RMND1: variants seen among roughly 807,000 people sequenced by gnomAD.
The protein encoded by RMND1 is required for meiotic nuclear division 1 homolog, also known as required for meiotic nuclear division protein 1 homolog.
A neutral mutation model predicts 54.0 loss-of-function variants in RMND1; 41 were observed. That is an observed-to-expected ratio of 0.76 (90% CI 0.59 to 0.98). The LOEUF (loss-of-function observed/expected upper bound fraction) is 0.98, where lower values mean the gene tolerates loss of function less well. RMND1 is among the 50% of genes least tolerant of loss of function. RMND1 has a pLI of 0.00. For missense variants in RMND1, 457 were observed against 532.0 expected (o/e 0.86, Z 1.39); for synonymous variants, 183 against 181.7 (o/e 1.01, Z -0.06).
chr6:151,438,877 G>A (rs900328297), intron 2 of RMND1, among the ~76,000 whole-genome samples: 1 of 152,082 alleles, frequency 6.6e-6, no homozygotes, highest in African/African-American at 2.4e-5. Flanking sequence ...ACTTTGGGAG[G>A]CTGAGGCGGA....
At position 151,445,619 on chromosome 6, in the gene RMND1, A is replaced by C; in HGVS notation, c.193T>G (p.Ser65Ala). The part of the protein sequence containing the change: ...PDKTASGLNK[S>A]QILEMNQKKS... ...TTTTGGTTCATTTCCAGGATCTGAGACTTATTCAAACCACTAGCTGTTTTA... is the reference window on the plus strand; with the variant it reads ...TTTTGGTTCATTTCCAGGATCTGAGCCTTATTCAAACCACTAGCTGTTTTA... Residue 65 changes from serine to alanine, a missense_variant, in exon 2 of 12, where the codon TCT becomes GCT. Transcript: ENST00000444024. The C allele has an allele frequency of 6.2e-7, 1 of 1,614,188 alleles. No homozygotes were observed. The highest frequency in any genetic ancestry group is 1.3e-5 in the African/African-American group (1 of 75,046).
chr6:151,432,835 G>C (rs1030529487), intron 4 of RMND1, among the ~76,000 whole-genome samples: 27 of 152,200 alleles, frequency 1.8e-4, no homozygotes, highest in African/African-American at 6.0e-4. Flanking sequence ...GCAGGAGTCT[G>C]ACAAGGGGCA....
In RMND1 at chr6:151,445,400, T is replaced by TCAA; in HGVS notation, c.411_412insTTG (p.Pro137_Lys138insLeu). 6.2e-7 allele frequency: 1 copy of TCAA among 1,614,068 alleles called. No individual in the cohort carries two copies. Among genetic ancestry groups the TCAA allele is most frequent in the Non-Finnish European group, 8.5e-7 (1 of 1,179,904 alleles). ...CTCTTCACCTGTGGGAAGTCTTGTT[T>TCAA]TGGAACAAATGTTTCCGTTGATACA... On this transcript the variant is annotated inframe_insertion, in exon 2 of 12. Coordinates refer to ENST00000444024, the MANE Select transcript of RMND1 (RefSeq NM_017909.4).
intron 2 of RMND1, among the ~76,000 whole-genome samples, chr6:151,441,769 T>C (rs972673840): frequency 6.6e-6 from 1 of 152,214 alleles, no homozygotes; most frequent in Admixed American, 6.5e-5. Context: ...CTTCACTCTG[T>C]GCACCTCTAC....
intron 1 of RMND1, among the ~76,000 whole-genome samples, chr6:151,446,395 T>C (rs1780954196): frequency 6.7e-6 from 1 of 149,832 alleles, no homozygotes; most frequent in African/African-American, 2.5e-5. Context: ...ATTGTACCAC[T>C]GCATTCCAGC....
chr6:151,424,758 AC>A (rs1780248423), intron 6 of RMND1, among the ~76,000 whole-genome samples: 1 of 148,772 alleles, frequency 6.7e-6, no homozygotes, highest in African/African-American at 2.5e-5. Flanking sequence ...TAGACAGGGG[AC>A]AGGGGAAGAG....
chr6:151,426,760 C>T (rs1261764351), intron 6 of RMND1, among the ~76,000 whole-genome samples: 1 of 151,910 alleles, frequency 6.6e-6, no homozygotes, highest in Admixed American at 6.6e-5. Flanking sequence ...TGTATTTGTA[C>T]CAGTAATCTT....
chr6:151,415,446 A>G (rs1443945238), intron 10 of RMND1, among the ~76,000 whole-genome samples: 1 of 152,178 alleles, frequency 6.6e-6, no homozygotes, highest in Non-Finnish European at 1.5e-5. Flanking sequence ...TTAAAAAGTA[A>G]CATCAAAATG....
At chr6:151,450,226 ATCG>A (rs1781102406) in intron 1 of RMND1, among the ~76,000 whole-genome samples, 1 of 146,696 alleles carries the variant, frequency 6.8e-6, no homozygotes, top group African/African-American at 2.5e-5. Context: ...CCGGCCGCCC[ATCG>A]TCTGAGATGT....
At chr6:151,418,110 CTTTT>C (rs961334210) in intron 9 of RMND1, among the ~76,000 whole-genome samples, 2 of 151,944 alleles carry the variant, frequency 1.3e-5, no homozygotes, top group Non-Finnish European at 2.9e-5. Context: ...CCAGCCTAAA[CTTTT>C]TTTATTAAAA....
At chr6:151,439,312 G>A (rs1780704271) in intron 2 of RMND1, among the ~76,000 whole-genome samples, 1 of 152,212 alleles carries the variant, frequency 6.6e-6, no homozygotes, top group South Asian at 2.1e-4. Flanking sequence ...ATTTCACCAG[G>A]CTCTCCATTA....
At chr6:151,420,046 T>C (rs1275868460) in intron 9 of RMND1, among the ~76,000 whole-genome samples, 1 of 152,176 alleles carries the variant, frequency 6.6e-6, no homozygotes, top group Admixed American at 6.5e-5. Flanking sequence ...TATTAACAAA[T>C]AAGCATTTTT....
chr6:151,405,202 A>C lies in RMND1; in HGVS notation c.*33T>G, dbSNP rs756572080. Reference sequence around the variant, plus strand: ...TAATTTTTGATTGTAGAACTTGAATATCTCTTGCAGTGACACTTTGGTTAT... The same window carrying C: ...TAATTTTTGATTGTAGAACTTGAATCTCTCTTGCAGTGACACTTTGGTTAT... On this transcript the variant is annotated 3_prime_UTR_variant, in exon 12 of 12. Transcript: ENST00000444024. 5.0e-6 allele frequency: 8 copies of C among 1,594,196 alleles called. No individual in the cohort carries two copies. Among genetic ancestry groups the C allele is most frequent in the Non-Finnish European group, 6.9e-6 (8 of 1,162,498 alleles).
At chr6:151,410,275 T>C (rs1481752150) in intron 10 of RMND1, among the ~76,000 whole-genome samples, 11 of 152,266 alleles carry the variant, frequency 7.2e-5, no homozygotes, top group Non-Finnish European at 1.6e-4. Flanking sequence ...CAGGATGGTC[T>C]GGATCTCCTG....
rs1780617270 is a variant in RMND1, at chr6:151,436,467, CA to C, written c.591del (p.Glu198LysfsTer2). On this transcript the variant is annotated frameshift_variant, in exon 3 of 12. Coordinates refer to ENST00000444024, the MANE Select transcript of RMND1 (RefSeq NM_017909.4). LOFTEE classifies it high-confidence loss of function. ...LSQDLASHGYVEVTSLPRDAA... is the reference protein window; with the variant it reads ...LSQDLASHGYXEVTSLPRDAA... Reference sequence around the variant, plus strand: ...GTACCTCTAGGCAAGCTTGTTACTTCAACATATCCGTGGGAGGCCAGATCTT... The same window carrying C: ...GTACCTCTAGGCAAGCTTGTTACTTCACATATCCGTGGGAGGCCAGATCTT... 3 of 1,613,888 alleles carry C rather than the reference CA, an allele frequency of 1.9e-6. No homozygotes were observed. Among genetic ancestry groups the C allele is most frequent in the Non-Finnish European group, 2.5e-6 (3 of 1,179,880 alleles).
chr6:151,451,208 A>C (rs1781179169), intron 1 of RMND1, among the ~76,000 whole-genome samples: 1 of 151,694 alleles, frequency 6.6e-6, no homozygotes, highest in African/African-American at 2.4e-5. Flanking sequence ...TAAAAAAAAA[A>C]AAAAAAAAAA....
intron 2 of RMND1, among the ~76,000 whole-genome samples, chr6:151,442,396 G>C (rs1329385261): frequency 6.6e-6 from 1 of 152,188 alleles, no homozygotes; most frequent in African/African-American, 2.4e-5. Flanking sequence ...GTCCACCAGT[G>C]ATTCTGTAAC....
At chr6:151,429,019 T>C (rs1241051336) in intron 5 of RMND1, among the ~76,000 whole-genome samples, 2 of 152,182 alleles carry the variant, frequency 1.3e-5, no homozygotes, top group African/African-American at 4.8e-5. Flanking sequence ...TAAGTTCCCT[T>C]CCCGACCACC....
At chr6:151,427,026 C>T (rs1413475499) in intron 6 of RMND1, among the ~76,000 whole-genome samples, 1 of 152,068 alleles carries the variant, frequency 6.6e-6, no homozygotes, top group African/African-American at 2.4e-5. Flanking sequence ...CTGCCTCAGC[C>T]TCCCAAAGTG....
Sources: gnomAD v4.1 joint callset for allele counts (sites outside exome capture counted in the v4.1 genomes callset) on GRCh38, gnomAD v4.1.1 for gene constraint, MANE v1.5 for transcripts, NCBI Gene and HGNC (gene_info 2026-07-23, HGNC 2026-07-21) for gene names.